The following XIRP2 variants were observed in gnomAD, a reference collection of about 807,000 sequenced individuals.
XIRP2 encodes xin actin binding repeat containing 2, also known as xin actin-binding repeat-containing protein 2.
In XIRP2, 236 loss-of-function variants were observed where a neutral mutation model predicts 277.0. That is an observed-to-expected ratio of 0.85 (90% confidence interval 0.77 to 0.95). The LOEUF (loss-of-function observed/expected upper bound fraction) is 0.95. Ranked by LOEUF, XIRP2 falls within the 40% of genes least tolerant of loss-of-function variation. The pLI is 0.00. For missense variants in XIRP2, 4,640 were observed against 4,157.5 expected, an observed-to-expected ratio of 1.12 and a Z score of -3.19; for synonymous variants, 1,490 against 1,416.5, an observed-to-expected ratio of 1.05 and a Z score of -1.17.
intron 2 of XIRP2, among the ~76,000 whole-genome samples, chr2:167,006,495 T>C (rs1443836602): frequency 6.6e-6 from 1 of 151,814 alleles, no homozygotes; most frequent in Non-Finnish European, 1.5e-5. Context: ...AGAAATATTC[T>C]TCTCTGGAAA....
intron 3 of XIRP2, among the ~76,000 whole-genome samples, chr2:167,202,698 T>G (rs1372085389): frequency 6.6e-6 from 1 of 152,232 alleles, no homozygotes; most frequent in African/African-American, 2.4e-5. Flanking sequence ...CACATGTATG[T>G]GTACAGTGAA....
At chr2:167,199,487 G>A (rs1483654277) in intron 3 of XIRP2, among the ~76,000 whole-genome samples, 1 of 152,176 alleles carries the variant, frequency 6.6e-6, no homozygotes. Context: ...ATTTTACAAA[G>A]CCTATGAAAG....
rs112170293 is a variant in XIRP2 at position 167,131,462 on chromosome 2, C to T, written c.409-4447C>T. On this transcript the variant is annotated intron_variant, in intron 2 of 10. Coordinates refer to ENST00000409195, the MANE Select transcript of XIRP2 (RefSeq NM_152381.6). The stretch of plus-strand genomic sequence containing the variant: ...ATGTTCAGTAAGTGAGCTCCATTCA[C>T]CATCTCCCAGTCACTCTCTCACCCA... Among the ~76,000 whole-genome samples the T allele has an allele frequency of 2.0e-5, 3 of 152,312 alleles. 1 individual carries two copies. The highest frequency in any genetic ancestry group is 4.8e-5 in the African/African-American group (2 of 41,586).
At chr2:167,132,021 C>T (rs1691391772) in intron 2 of XIRP2, among the ~76,000 whole-genome samples, 1 of 152,074 alleles carries the variant, frequency 6.6e-6, no homozygotes, top group Admixed American at 6.6e-5. Flanking sequence ...CTCTCCCCTC[C>T]TCTCTCTATC....
chr2:167,117,602 C>T (rs1278052120), intron 2 of XIRP2, among the ~76,000 whole-genome samples: 1 of 152,184 alleles, frequency 6.6e-6, no homozygotes, highest in Non-Finnish European at 1.5e-5. Context: ...TTTGCCTTAA[C>T]ATCACATGTG....
At chr2:167,236,966 A>T (rs1467622589) in intron 5 of XIRP2, among the ~76,000 whole-genome samples, 3 of 152,284 alleles carry the variant, frequency 2.0e-5, no homozygotes, top group Admixed American at 1.3e-4. Flanking sequence ...TGCAACAGTA[A>T]ATGGTAGAAA....
Position 167,250,332 on chromosome 2 carries a change from A to C in XIRP2, c.8940A>C (p.Leu2980Phe). Reference protein sequence around the residue: ...KSGLKTFQTLLNTIPGWLISE... With the variant: ...KSGLKTFQTLFNTIPGWLISE... ...GCCTTAAAACATTTCAGACACTATTAAATACTATCCCAGGATGGCTGATAA... is the reference window on the plus strand; with the variant it reads ...GCCTTAAAACATTTCAGACACTATTCAATACTATCCCAGGATGGCTGATAA... The change falls in exon 9 of 11, where the codon TTA becomes TTC. Residue 2980 changes from leucine to phenylalanine, a missense_variant. Transcript: ENST00000409195. 1 of 1,613,628 alleles carries C rather than the reference A, an allele frequency of 6.2e-7. No individual in the cohort carries two copies. The highest frequency in any genetic ancestry group is 8.5e-7 in the Non-Finnish European group (1 of 1,179,718).
chr2:167,169,547 T>C (rs923769743), intron 3 of XIRP2, among the ~76,000 whole-genome samples: 3 of 152,242 alleles, frequency 2.0e-5, no homozygotes, highest in African/African-American at 7.2e-5. Flanking sequence ...ACCTCACTTT[T>C]CTGATAGATC....
intron 2 of XIRP2, among the ~76,000 whole-genome samples, chr2:167,057,216 A>G (rs1294179748): frequency 1.3e-5 from 2 of 152,152 alleles, no homozygotes; most frequent in Non-Finnish European, 2.9e-5. Flanking sequence ...AAAGCATGGG[A>G]ATGAATTAGG....
At chr2:167,228,260 G>C (rs949146910) in intron 5 of XIRP2, among the ~76,000 whole-genome samples, 2 of 152,158 alleles carry the variant, frequency 1.3e-5, no homozygotes, top group African/African-American at 4.8e-5. Context: ...GCTGAGGCAT[G>C]ATCATAAAGT....
intron 2 of XIRP2, among the ~76,000 whole-genome samples, chr2:167,002,231 A>C (rs1399473854): frequency 3.3e-5 from 5 of 152,066 alleles, no homozygotes; most frequent in Non-Finnish European, 7.4e-5. Flanking sequence ...GGATTGAAAT[A>C]ATGAATAACC....
chr2:166,955,308 A>ACC (rs1686134480), intron 2 of XIRP2, among the ~76,000 whole-genome samples: 3 of 151,844 alleles, frequency 2.0e-5, no homozygotes. Flanking sequence ...AAAAAGGGAA[A>ACC]CACAAGAGAC....
At chr2:166,953,705 C>A (rs948875427) in intron 2 of XIRP2, among the ~76,000 whole-genome samples, 5 of 151,868 alleles carry the variant, frequency 3.3e-5, no homozygotes, top group African/African-American at 1.2e-4. Context: ...TGAGGATGAG[C>A]TACTACCTCT....
intron 4 of XIRP2, among the ~76,000 whole-genome samples, chr2:167,214,451 C>A (rs73029721): frequency 7.1e-6 from 1 of 140,386 alleles, no homozygotes; most frequent in Non-Finnish European, 1.5e-5. Context: ...CACTCCAGCC[C>A]GGACGGCTGA....
At chr2:167,026,554 G>T (rs1430964710) in intron 2 of XIRP2, among the ~76,000 whole-genome samples, 1 of 152,120 alleles carries the variant, frequency 6.6e-6, no homozygotes, top group Non-Finnish European at 1.5e-5. Flanking sequence ...TAGCCTAGAT[G>T]GTCTTTACAT....
chr2:166,980,657 A>C (rs34023988), intron 2 of XIRP2, among the ~76,000 whole-genome samples: 49,694 of 151,938 alleles, frequency 0.33, 8,793 homozygotes, highest in African/African-American at 0.45. Context: ...ACCTCAGGTT[A>C]TCCACCCACC....
At chr2:167,093,071 A>G (rs1690194031) in intron 2 of XIRP2, among the ~76,000 whole-genome samples, 1 of 152,126 alleles carries the variant, frequency 6.6e-6, no homozygotes, top group Non-Finnish European at 1.5e-5. Flanking sequence ...CTACTATGCC[A>G]AGTTTAACTT....
chr2:167,156,975 A>T (rs1553492722), intron 3 of XIRP2, among the ~76,000 whole-genome samples: 1 of 151,774 alleles, frequency 6.6e-6, no homozygotes, highest in Non-Finnish European at 1.5e-5. Context: ...GTTTCTTTCA[A>T]TTTTTTTTCA....
At chr2:167,117,937 C>A (rs1273494878) in intron 2 of XIRP2, among the ~76,000 whole-genome samples, 1 of 152,178 alleles carries the variant, frequency 6.6e-6, no homozygotes, top group Non-Finnish European at 1.5e-5. Context: ...CCTTTGTTCT[C>A]AGCTTTGAGA....
Sources: allele counts gnomAD v4.1 joint callset (sites outside exome capture counted in the v4.1 genomes callset), GRCh38; gene constraint gnomAD v4.1.1; transcripts MANE v1.5; gene names NCBI Gene and HGNC (gene_info 2026-07-23, HGNC 2026-07-21).